The following SEC61A2 variants were observed in gnomAD, a reference collection of about 807,000 sequenced individuals.
The protein encoded by SEC61A2 is protein transport protein Sec61 subunit alpha isoform 2.
SEC61A2 carries 28 observed loss-of-function variants against 59.9 expected under a neutral mutation model. The ratio of observed to expected loss-of-function variants is 0.47; its 90% CI spans 0.35 to 0.64. The LOEUF is 0.64. Among genes scored for constraint, SEC61A2 ranks in the 30% least tolerant of loss-of-function variants. SEC61A2 has a pLI of 0.01. For missense variants in SEC61A2, 340 were observed against 585.9 expected, an observed-to-expected ratio of 0.58 and a Z score of 4.33; for synonymous variants, 202 against 214.4, an observed-to-expected ratio of 0.94 and a Z score of 0.50.
rs1244462036 is a variant in SEC61A2, at chr10:12,130,460, C to T, written c.7+666C>T. Among the ~76,000 whole-genome samples the T allele has an allele frequency of 3.3e-5, 5 of 152,074 alleles. No individual in the cohort carries two copies. In the East Asian group the frequency reaches 9.6e-4, roughly 29 times the overall value. On this transcript the variant is annotated intron_variant, in intron 1 of 11. Coordinates refer to ENST00000298428, the MANE Select transcript of SEC61A2 (RefSeq NM_018144.4). ...GGTCGTGCATACCCAAGCAGGGCACCCATTGGCCAACTAGTGGACATTTGG... is the reference window on the plus strand; with the variant it reads ...GGTCGTGCATACCCAAGCAGGGCACTCATTGGCCAACTAGTGGACATTTGG...
Position 12,161,770 on chromosome 10 carries a change from A to C in SEC61A2, c.1168-443A>C, listed in dbSNP as rs1012812443. ...TAAATAAATAAATAGATAAATAAAA[A>C]ATTTTTAAAAAAGTAAAATAAAACT... On this transcript the variant is annotated intron_variant, in intron 10 of 11. Transcript: ENST00000298428. The surrounding 1 kb of genome is among the most constrained non-coding windows in gnomAD (Gnocchi z 5.4). Among the ~76,000 whole-genome samples the C allele has an allele frequency of 1.3e-5, 2 of 152,118 alleles. No individual in the cohort carries two copies. The highest frequency in any genetic ancestry group is 4.1e-4 in the South Asian group (2 of 4,828).
At chr10:12,138,963 T>C (rs1588631892) in intron 3 of SEC61A2, among the ~76,000 whole-genome samples, 1 of 151,614 alleles carries the variant, frequency 6.6e-6, no homozygotes, top group South Asian at 2.1e-4. Flanking sequence ...TTTGTTTGTT[T>C]GTTTGTTTGT....
chr10:12,168,013 C>A, downstream of SEC61A2: 3 of 976,972 alleles, frequency 3.1e-6, no homozygotes, highest in Non-Finnish European at 4.1e-6. The surrounding 1 kb of genome is among the most constrained non-coding windows in gnomAD (Gnocchi z 4.8). Flanking sequence ...GAGACAAGAA[C>A]ATCAGGGATA....
chr10:12,149,496 C>A lies in SEC61A2; in HGVS notation c.221-99C>A. On this transcript the variant is annotated intron_variant, in intron 4 of 11. Coordinates refer to ENST00000298428, the MANE Select transcript of SEC61A2 (RefSeq NM_018144.4). The surrounding 1 kb of genome is among the most constrained non-coding windows in gnomAD (Gnocchi z 5.2). Reference sequence around the variant, plus strand: ...GAAAATTTGCTTGTTAAAATTTTCACGTGTGTTTCAGTTGAGGTAATTAGG... The same window carrying A: ...GAAAATTTGCTTGTTAAAATTTTCAAGTGTGTTTCAGTTGAGGTAATTAGG... 2 of 1,184,084 alleles carry A rather than the reference C, an allele frequency of 1.7e-6. No individual in the cohort carries two copies. Among genetic ancestry groups the A allele is most frequent in the Non-Finnish European group, 2.4e-6 (2 of 846,206 alleles). The allele number at this position is 1,184,084 out of a possible 1,614,324, so 73.3% of individuals were successfully genotyped here. A position where few individuals can be genotyped will look rare whatever the true frequency, so the allele number is the denominator to read the frequency against.
rs564601433 is a variant in SEC61A2, at chr10:12,133,166, A to T, written c.8-75A>T. The T allele has an allele frequency of 2.9e-4, 216 of 742,490 alleles. No homozygotes were observed. The African/African-American group carries it at 3.6e-3, about 12-fold the overall frequency. 46.0% of individuals were successfully genotyped at this position (742,490 alleles called of 1,614,324 possible). On this transcript the variant is annotated intron_variant, in intron 1 of 11. Coordinates refer to ENST00000298428, the MANE Select transcript of SEC61A2 (RefSeq NM_018144.4). The stretch of plus-strand genomic sequence containing the variant: ...ATTGCTGGTGAAAGAGAATCTTTGT[A>T]TTTGATTTTCTAGAAAGACAGATCT...
In SEC61A2 at chr10:12,161,172, G is replaced by A. The variant is rs187833516; in HGVS notation, c.1167+51G>A. 61 of 1,438,072 alleles carry A rather than the reference G, an allele frequency of 4.2e-5. No individual in the cohort carries two copies. The Middle Eastern group carries it at 5.9e-4, about 14-fold the overall frequency. 89.1% of individuals were successfully genotyped at this position (1,438,072 alleles called of 1,614,324 possible). On this transcript the variant is annotated intron_variant, in intron 10 of 11. Coordinates refer to ENST00000298428, the MANE Select transcript of SEC61A2 (RefSeq NM_018144.4). The surrounding 1 kb of genome is among the most constrained non-coding windows in gnomAD (Gnocchi z 5.4). The stretch of plus-strand genomic sequence containing the variant: ...AAAACTCTTGGCAATGCATGGTGGC[G>A]CACATCTGTAATCGTAGCACTTTGG...
downstream of SEC61A2, chr10:12,169,574 G>C: frequency 2.4e-6 from 1 of 411,630 alleles, no homozygotes; most frequent in Non-Finnish European, 4.3e-6. The surrounding 1 kb of genome is among the most constrained non-coding windows in gnomAD (Gnocchi z 4.8). Context: ...ATAAACTATT[G>C]TATCTATTCA....
At chr10:12,140,418 A>G (rs556908178) in intron 3 of SEC61A2, among the ~76,000 whole-genome samples, 7 of 152,328 alleles carry the variant, frequency 4.6e-5, no homozygotes, top group African/African-American at 1.2e-4. Flanking sequence ...GTTGTTGTAC[A>G]TGATCCTCTA....
rs1414306637 is a variant in SEC61A2, at chr10:12,155,413, G to T, written c.463-365G>T. 7.0e-7 allele frequency: 1 copy of T among 1,430,846 alleles called. No homozygotes were observed. The highest frequency in any genetic ancestry group is 9.4e-7 in the Non-Finnish European group (1 of 1,065,156). The allele number at this position is 1,430,846 out of a possible 1,614,324, so 88.6% of individuals were successfully genotyped here. A position where few individuals can be genotyped will look rare whatever the true frequency, so the allele number is the denominator to read the frequency against. Reference sequence around the variant, plus strand: ...CTTTTTACTTCCTTGGAGGTATTTGGGATGTTTTCAGTTTCTTGCTGTCAT... The same window carrying T: ...CTTTTTACTTCCTTGGAGGTATTTGTGATGTTTTCAGTTTCTTGCTGTCAT... On this transcript the variant is annotated intron_variant, in intron 6 of 11. Coordinates refer to ENST00000298428, the MANE Select transcript of SEC61A2 (RefSeq NM_018144.4). This position sits in a 1 kb window ranked among gnomAD's most constrained non-coding sequence, Gnocchi z 4.3.
intron 4 of SEC61A2, among the ~76,000 whole-genome samples, chr10:12,146,186 A>G (rs757722980): frequency 3.3e-5 from 5 of 151,962 alleles, no homozygotes; most frequent in Non-Finnish European, 7.4e-5. Flanking sequence ...ATGCGCCACT[A>G]ATTTTTTTAT....
At position 12,152,204 on chromosome 10, in the gene SEC61A2, C is replaced by G. The variant is rs752791046; in HGVS notation, c.462+2243C>G. 6.6e-6 allele frequency among the ~76,000 whole-genome samples: 1 copy of G among 152,040 alleles called. No homozygotes were observed. Among genetic ancestry groups the G allele is most frequent in the Non-Finnish European group, 1.5e-5 (1 of 68,030 alleles). On this transcript the variant is annotated intron_variant, in intron 6 of 11. Coordinates refer to ENST00000298428, the MANE Select transcript of SEC61A2 (RefSeq NM_018144.4). The surrounding 1 kb of genome is among the most constrained non-coding windows in gnomAD (Gnocchi z 5.5). ...GTTCAAGCAATTCTGCCTCAGCCTC[C>G]CCGGTAGCTGGAATTACAGGGTCCT...
chr10:12,130,553 G>T (rs573700226), intron 1 of SEC61A2, among the ~76,000 whole-genome samples: 1 of 152,128 alleles, frequency 6.6e-6, no homozygotes, highest in Non-Finnish European at 1.5e-5. Flanking sequence ...ACAGGGGGCA[G>T]CCAAAAGCTT....
At chr10:12,139,893 C>T (rs12218478) in intron 3 of SEC61A2, among the ~76,000 whole-genome samples, 52,945 of 150,234 alleles carry the variant, frequency 0.35, 9,665 homozygotes, top group East Asian at 0.42. Flanking sequence ...GGCGTGAACC[C>T]GGGAGGCGGA....
Position 12,155,983 on chromosome 10 carries a change from G to A in SEC61A2, c.616+52G>A, listed in dbSNP as rs773778192. On this transcript the variant is annotated intron_variant, in intron 7 of 11. Transcript: ENST00000298428. This position sits in a 1 kb window ranked among gnomAD's most constrained non-coding sequence, Gnocchi z 4.3. ...ACGCGTTTTGCTGGATGTGTGCTGG[G>A]AACAAACCCATCGTGTCGCAGTACA... The A allele has an allele frequency of 6.9e-6, 11 of 1,598,166 alleles. No individual in the cohort carries two copies. The highest frequency in any genetic ancestry group is 9.4e-6 in the Non-Finnish European group (11 of 1,165,976).
intron 4 of SEC61A2, among the ~76,000 whole-genome samples, chr10:12,146,568 A>G (rs1423237280): frequency 6.6e-6 from 1 of 151,168 alleles, no homozygotes; most frequent in Admixed American, 6.6e-5. Context: ...CCCAGGCTGG[A>G]GTGCAGTGGC....
At chr10:12,146,391 G>T (rs1834137957) in intron 4 of SEC61A2, among the ~76,000 whole-genome samples, 3 of 152,184 alleles carry the variant, frequency 2.0e-5, no homozygotes, top group African/African-American at 4.8e-5. Context: ...AGAGTTCCAG[G>T]GTTGCACAGT....
rs1834226368 is a variant in SEC61A2 at position 12,149,460 on chromosome 10, G to A, written c.221-135G>A. 2.4e-6 allele frequency: 2 copies of A among 817,540 alleles called. No individual in the cohort carries two copies. Among genetic ancestry groups the A allele is most frequent in the South Asian group, 1.8e-5 (1 of 55,544 alleles). The allele number at this position is 817,540 out of a possible 1,614,324, so 50.6% of individuals were successfully genotyped here. Reference sequence around the variant, plus strand: ...ATGAGAACTTTTCTTAGCAAGTAGTGTTTAAGAAATGAAAATTTGCTTGTT... The same window carrying A: ...ATGAGAACTTTTCTTAGCAAGTAGTATTTAAGAAATGAAAATTTGCTTGTT... On this transcript the variant is annotated intron_variant, in intron 4 of 11. Transcript: ENST00000298428. The surrounding 1 kb of genome is among the most constrained non-coding windows in gnomAD (Gnocchi z 5.2).
At position 12,155,335 on chromosome 10, in the gene SEC61A2, C is replaced by T; in HGVS notation, c.463-443C>T. 6.3e-7 allele frequency: 1 copy of T among 1,582,874 alleles called. No homozygotes were observed. The highest frequency in any genetic ancestry group is 1.8e-5 in the Admixed American group (1 of 56,394). On this transcript the variant is annotated intron_variant, in intron 6 of 11. Transcript: ENST00000298428. The surrounding 1 kb of genome is among the most constrained non-coding windows in gnomAD (Gnocchi z 4.3). ...GGATCAACACAGCCCTTAGACTTAT[C>T]CTTTGATGGCAGTGTACATTTCCAT...
At chr10:12,169,629 T>C (rs578059259), downstream of SEC61A2, 183 of 264,800 alleles carry the variant, frequency 6.9e-4, 2 homozygotes, top group South Asian at 0.016. This position sits in a 1 kb window ranked among gnomAD's most constrained non-coding sequence, Gnocchi z 4.8. Context: ...AGGTGGCTTC[T>C]ACCTTAGGTC....
Sources: allele counts gnomAD v4.1 joint callset (sites outside exome capture counted in the v4.1 genomes callset), GRCh38; gene constraint gnomAD v4.1.1; non-coding constraint Gnocchi (gnomAD v3.1); transcripts MANE v1.5; gene names NCBI Gene and HGNC (gene_info 2026-07-23, HGNC 2026-07-21).